DPH6: variants seen among roughly 807,000 people sequenced by gnomAD.
DPH6 encodes diphthine--ammonia ligase.
Under a neutral mutation model 38.2 loss-of-function variants are expected in DPH6, and 33 were observed. The ratio of observed to expected loss-of-function variants is 0.86; its 90% CI spans 0.65 to 1.15. The LOEUF is 1.15. Among genes scored for constraint, DPH6 ranks in the 50% most tolerant of loss-of-function variants. DPH6 has a pLI of 0.00. For synonymous variants in DPH6, 108 were observed against 103.0 expected (o/e 1.05, Z -0.30); for missense variants, 325 against 320.0 (o/e 1.02, Z -0.12).
intron 3 of DPH6, among the ~76,000 whole-genome samples, chr15:35,355,975 G>C (rs892933384): frequency 2.0e-5 from 3 of 152,166 alleles, no homozygotes; most frequent in African/African-American, 7.2e-5. Flanking sequence ...TGGAGGCTTT[G>C]TTCATTTCTT....
chr15:35,497,923 C>T (rs188458922), intron 3 of DPH6, among the ~76,000 whole-genome samples: 8 of 152,078 alleles, frequency 5.3e-5, no homozygotes, highest in African/African-American at 1.7e-4. Flanking sequence ...GATAACAAAC[C>T]GAAAGATTCC....
intron 3 of DPH6, among the ~76,000 whole-genome samples, chr15:35,272,603 A>T (rs549714292): frequency 2.6e-5 from 4 of 151,986 alleles, no homozygotes; most frequent in Non-Finnish European, 4.4e-5. Flanking sequence ...TTCCTGTGAG[A>T]TCTGATTGTT....
intron 5 of DPH6, among the ~76,000 whole-genome samples, chr15:35,447,301 G>C (rs1483096857): frequency 1.3e-5 from 2 of 152,160 alleles, no homozygotes; most frequent in African/African-American, 4.8e-5. Context: ...GAATGGAGTA[G>C]CTTGGTATTT....
rs572805174 is a variant in DPH6 at position 35,491,738 on chromosome 15, TATTA to T, written c.313-36922_313-36919del. 3.7e-3 allele frequency among the ~76,000 whole-genome samples: 552 copies of T among 151,122 alleles called. 2 individuals are homozygous for T. The highest frequency in any genetic ancestry group is 0.01 in the Middle Eastern group (3 of 286). On this transcript the variant is annotated intron_variant, in intron 3 of 8. Transcript: ENST00000256538. ...ATATGTAGATGTATATATCTAGATA[TATTA>T]ATTTACATGTATGTATACACATATA...
the DPH6 span, among the ~76,000 whole-genome samples, chr15:35,198,643 T>C: frequency 6.6e-6 from 1 of 152,206 alleles, no homozygotes; most frequent in Non-Finnish European, 1.5e-5. Context: ...TGAACAAATA[T>C]GAAATGTACT....
rs552587785 is a variant in DPH6, at chr15:35,529,752, A to T, written c.312+8522T>A. Among the ~76,000 whole-genome samples, 3 of 152,312 alleles carry T rather than the reference A, an allele frequency of 2.0e-5. No homozygotes were observed. In the South Asian group the frequency reaches 6.2e-4, roughly 32 times the overall value. On this transcript the variant is annotated intron_variant, in intron 3 of 8. Transcript: ENST00000256538. ...GTTTGACAAATGAAAGAATAAGAGG[A>T]TTAAGAAAAATAGTAGTAGCATACA...
At chr15:35,400,167 A>G (rs979118393) in intron 6 of DPH6, among the ~76,000 whole-genome samples, 32 of 152,220 alleles carry the variant, frequency 2.1e-4, no homozygotes, top group African/African-American at 7.0e-4. Context: ...TGAATTTGTG[A>G]TAAGTACAGA....
chr15:35,184,388 T>A, the DPH6 span, among the ~76,000 whole-genome samples: 1 of 152,168 alleles, frequency 6.6e-6, no homozygotes, highest in Admixed American at 6.5e-5. Flanking sequence ...ATTCTGAGCT[T>A]CTAAAATAAA....
At chr15:35,300,177 C>CA (rs1477254694) in intron 3 of DPH6, among the ~76,000 whole-genome samples, 2 of 152,116 alleles carry the variant, frequency 1.3e-5, no homozygotes, top group African/African-American at 4.8e-5. Context: ...GAAGATGGAG[C>CA]ACAGTGAAAA....
At chr15:35,458,729 T>C (rs1216298759) in intron 3 of DPH6, among the ~76,000 whole-genome samples, 1 of 152,136 alleles carries the variant, frequency 6.6e-6, no homozygotes, top group Non-Finnish European at 1.5e-5. Context: ...CTACAGGAAA[T>C]TAGTAATATA....
intron 3 of DPH6, among the ~76,000 whole-genome samples, chr15:35,224,699 G>A (rs2051467662): frequency 6.6e-6 from 1 of 152,222 alleles, no homozygotes. Context: ...CAATGAATGA[G>A]AGTTCCTCTT....
At position 35,449,749 on chromosome 15, in the gene DPH6, T is replaced by C. The variant is rs79497082; in HGVS notation, c.505+936A>G. ...CTAAGGAGATCAACTACAGATTCACTAAATAAAGGCTTCAACTGAAGACAA... is the reference window on the plus strand; with the variant it reads ...CTAAGGAGATCAACTACAGATTCACCAAATAAAGGCTTCAACTGAAGACAA... On this transcript the variant is annotated intron_variant, in intron 5 of 8. Coordinates refer to ENST00000256538, the MANE Select transcript of DPH6 (RefSeq NM_080650.4). Among the ~76,000 whole-genome samples, 561 of 152,274 alleles carry C rather than the reference T, an allele frequency of 3.7e-3. 2 individuals carry two copies. Among genetic ancestry groups the C allele is most frequent in the Middle Eastern group, 6.8e-3 (2 of 294 alleles).
the DPH6 span, among the ~76,000 whole-genome samples, chr15:35,176,384 T>C: frequency 2.0e-5 from 3 of 152,190 alleles, no homozygotes; most frequent in Non-Finnish European, 4.4e-5. Context: ...ATCCAAGAGG[T>C]TGGCTATTGC....
At chr15:35,313,152 G>A (rs181321946) in intron 3 of DPH6, among the ~76,000 whole-genome samples, 201 of 152,174 alleles carry the variant, frequency 1.3e-3, no homozygotes, top group Admixed American at 1.9e-3. Flanking sequence ...AGAATGGCTT[G>A]AACCTAGGAG....
At chr15:35,373,927 T>C (rs1486357681) in intron 7 of DPH6, among the ~76,000 whole-genome samples, 1 of 152,030 alleles carries the variant, frequency 6.6e-6, no homozygotes, top group Non-Finnish European at 1.5e-5. Context: ...ACGTATTTGC[T>C]TGGTATAGGC....
At chr15:35,271,462 C>G (rs776318493) in intron 3 of DPH6, among the ~76,000 whole-genome samples, 3 of 152,200 alleles carry the variant, frequency 2.0e-5, no homozygotes, top group Non-Finnish European at 4.4e-5. Context: ...AGGAAAGCAT[C>G]TGAATCGAGG....
chr15:35,190,445 G>T, the DPH6 span, among the ~76,000 whole-genome samples: 1 of 152,198 alleles, frequency 6.6e-6, no homozygotes, highest in Non-Finnish European at 1.5e-5. Context: ...GCTGAAGTGG[G>T]TTATTCTTGA....
chr15:35,305,377 T>C (rs1188551349), intron 3 of DPH6, among the ~76,000 whole-genome samples: 2 of 2,470 alleles, frequency 8.1e-4, no homozygotes, highest in East Asian at 0.12. Context: ...TTTAACCACA[T>C]ACTCACACTG....
At chr15:35,353,684 C>T (rs572178852) in intron 3 of DPH6, among the ~76,000 whole-genome samples, 1 of 152,242 alleles carries the variant, frequency 6.6e-6, no homozygotes, top group South Asian at 2.1e-4. Flanking sequence ...TTACTGTAGC[C>T]TTGTAGTATA....
Sources: allele counts gnomAD v4.1 joint callset (sites outside exome capture counted in the v4.1 genomes callset), GRCh38; gene constraint gnomAD v4.1.1; transcripts MANE v1.5; gene names NCBI Gene and HGNC (gene_info 2026-07-23, HGNC 2026-07-21).